CNTN6: variants seen among roughly 807,000 people sequenced by gnomAD.
CNTN6 encodes contactin 6.
A neutral mutation model predicts 122.8 loss-of-function variants in CNTN6; 137 were observed. The observed-to-expected ratio is 1.12, with a 90% CI of 0.97 to 1.29. The LOEUF (loss-of-function observed/expected upper bound fraction) is 1.29, where lower values mean the gene tolerates loss of function less well. Ranked by LOEUF, CNTN6 falls within the 50% of genes most tolerant of loss-of-function variation. CNTN6 has a pLI of 0.00. For synonymous variants in CNTN6, 570 were observed against 426.0 expected (o/e 1.34, Z -4.16); for missense variants, 1,634 against 1,223.4 (o/e 1.34, Z -5.01).
At chr3:1,208,414 G>A (rs919695183) in intron 2 of CNTN6, among the ~76,000 whole-genome samples, 2 of 152,018 alleles carry the variant, frequency 1.3e-5, no homozygotes, top group Admixed American at 6.6e-5. Flanking sequence ...CTGTTTCAAT[G>A]CCATTCTTAT....
chr3:1,125,810 A>T (rs2092139266), intron 1 of CNTN6, among the ~76,000 whole-genome samples: 1 of 151,808 alleles, frequency 6.6e-6, no homozygotes, highest in Admixed American at 6.6e-5. Context: ...ATGATATGAC[A>T]ACCACAGACA....
chr3:1,235,860 G>C (rs886549318), intron 4 of CNTN6, among the ~76,000 whole-genome samples: 2 of 152,096 alleles, frequency 1.3e-5, no homozygotes, highest in Non-Finnish European at 2.9e-5. Flanking sequence ...CAGTGCTGCT[G>C]GGGGCGGGTG....
chr3:1,143,033 A>G (rs1306165437), intron 1 of CNTN6, among the ~76,000 whole-genome samples: 1 of 119,646 alleles, frequency 8.4e-6, no homozygotes, highest in Non-Finnish European at 1.7e-5. Context: ...TACACTTATC[A>G]TCAACCAACA....
rs377662729 is a variant in CNTN6 at position 1,397,187 on chromosome 3, T to G, written c.2705-4246T>G. Among the ~76,000 whole-genome samples the G allele has an allele frequency of 6.6e-5, 10 of 152,098 alleles. No individual in the cohort carries two copies. In the East Asian group the frequency reaches 1.7e-3, roughly 26 times the overall value. ...AAGCAAGATCTTTGCCAACCGGCAA[T>G]TTCTCTTTTAGAGAAGAGGCAACCT... On this transcript the variant is annotated intron_variant, in intron 20 of 22. Coordinates refer to ENST00000446702, the MANE Select transcript of CNTN6 (RefSeq NM_001289080.2).
intron 7 of CNTN6, among the ~76,000 whole-genome samples, chr3:1,312,082 T>C (rs1415058111): frequency 6.6e-6 from 1 of 152,054 alleles, no homozygotes; most frequent in Non-Finnish European, 1.5e-5. Flanking sequence ...TACTACGATT[T>C]CTAAATATCT....
At chr3:1,184,266 A>T (rs2093599615) in intron 2 of CNTN6, among the ~76,000 whole-genome samples, 1 of 152,148 alleles carries the variant, frequency 6.6e-6, no homozygotes, top group Non-Finnish European at 1.5e-5. Flanking sequence ...TTCCCAGCAC[A>T]CTTTTTTTGT....
At chr3:1,132,824 T>C (rs796269784) in intron 1 of CNTN6, among the ~76,000 whole-genome samples, 11 of 152,250 alleles carry the variant, frequency 7.2e-5, no homozygotes, top group African/African-American at 2.4e-4. Context: ...TTAAGCCTAC[T>C]TACTTTTCTT....
chr3:1,342,058 T>A (rs538246161), intron 11 of CNTN6, among the ~76,000 whole-genome samples: 1 of 152,204 alleles, frequency 6.6e-6, no homozygotes, highest in East Asian at 1.9e-4. Flanking sequence ...GTTAAAAATA[T>A]GTATTTCTCG....
intron 1 of CNTN6, among the ~76,000 whole-genome samples, chr3:1,143,398 C>A (rs1299857696): frequency 6.6e-6 from 1 of 152,104 alleles, no homozygotes; most frequent in African/African-American, 2.4e-5. Flanking sequence ...GCTGGTGATA[C>A]ATTTTTGAGA....
intron 1 of CNTN6, among the ~76,000 whole-genome samples, chr3:1,102,491 G>C (rs1459481096): frequency 5.3e-5 from 8 of 152,070 alleles, no homozygotes; most frequent in Non-Finnish European, 1.0e-4. Flanking sequence ...AGCACTTTGG[G>C]AGGCCGAGGT....
At chr3:1,294,958 T>G (rs1695958367) in intron 5 of CNTN6, among the ~76,000 whole-genome samples, 1 of 152,120 alleles carries the variant, frequency 6.6e-6, no homozygotes, top group South Asian at 2.1e-4. Context: ...CTGCTTAAAA[T>G]TATGTAATAA....
At chr3:1,130,463 T>C (rs954841360) in intron 1 of CNTN6, among the ~76,000 whole-genome samples, 2 of 152,252 alleles carry the variant, frequency 1.3e-5, no homozygotes, top group East Asian at 1.9e-4. Context: ...CAAGCAATTA[T>C]AGATGGGGAA....
intron 5 of CNTN6, among the ~76,000 whole-genome samples, chr3:1,294,787 A>G (rs750550079): frequency 5.9e-5 from 9 of 152,152 alleles, no homozygotes; most frequent in Admixed American, 2.6e-4. Flanking sequence ...ACATCATTCT[A>G]GGCTCCTTCT....
chr3:1,376,274 T>G (rs183828), intron 16 of CNTN6, among the ~76,000 whole-genome samples: 15 of 151,948 alleles, frequency 9.9e-5, no homozygotes, highest in Admixed American at 7.9e-4. Context: ...GTTTCTATGA[T>G]CTATTATTCA....
chr3:1,102,282 A>C (rs2090941819), intron 1 of CNTN6, among the ~76,000 whole-genome samples: 1 of 152,176 alleles, frequency 6.6e-6, no homozygotes, highest in Non-Finnish European at 1.5e-5. Context: ...GCAGGAGTGC[A>C]ATATACTTGC....
At chr3:1,280,560 G>A (rs1256675937) in intron 5 of CNTN6, among the ~76,000 whole-genome samples, 1 of 141,934 alleles carries the variant, frequency 7.0e-6, no homozygotes, top group Non-Finnish European at 1.5e-5. Flanking sequence ...TGCCTCCTGG[G>A]TTCAAGCGAT....
intron 1 of CNTN6, among the ~76,000 whole-genome samples, chr3:1,106,742 C>G (rs1232243917): frequency 1.3e-5 from 2 of 152,066 alleles, no homozygotes; most frequent in Non-Finnish European, 2.9e-5. Flanking sequence ...AATGAACTTT[C>G]CCTTTCACTT....
At position 1,336,891 on chromosome 3, in the gene CNTN6, T is replaced by A. The variant is rs1575758113; in HGVS notation, c.1364+6956T>A. 5.4e-5 allele frequency among the ~76,000 whole-genome samples: 8 copies of A among 149,490 alleles called. No individual in the cohort carries two copies. The South Asian group carries it at 1.7e-3, about 31-fold the overall frequency. On this transcript the variant is annotated intron_variant, in intron 11 of 22. Coordinates refer to ENST00000446702, the MANE Select transcript of CNTN6 (RefSeq NM_001289080.2). ...AAACTACACAAGGAAGGTATAAAGATCGTAGGGAAAGTGGAAAGTGGAAGA... is the reference window on the plus strand; with the variant it reads ...AAACTACACAAGGAAGGTATAAAGAACGTAGGGAAAGTGGAAAGTGGAAGA...
At chr3:1,254,073 TA>T (rs548939690) in intron 4 of CNTN6, among the ~76,000 whole-genome samples, 186 of 152,314 alleles carry the variant, frequency 1.2e-3, no homozygotes, top group African/African-American at 4.1e-3. Context: ...GAAATGTCTA[TA>T]AAAATATTAT....
Sources: gnomAD v4.1 joint callset for allele counts (sites outside exome capture counted in the v4.1 genomes callset) on GRCh38, gnomAD v4.1.1 for gene constraint, MANE v1.5 for transcripts, NCBI Gene and HGNC (gene_info 2026-07-23, HGNC 2026-07-21) for gene names.